PPME1: variants seen among roughly 807,000 people sequenced by gnomAD.
PPME1 encodes testicular secretory protein Li 39.
In PPME1, 17 loss-of-function variants were observed where a neutral mutation model predicts 56.9. The ratio of observed to expected loss-of-function variants is 0.30; its 90% CI spans 0.20 to 0.45. PPME1 has a LOEUF of 0.45. Among genes scored for constraint, PPME1 ranks in the 20% least tolerant of loss-of-function variants. The pLI is 1.00. For missense variants in PPME1, 357 were observed against 483.2 expected, an observed-to-expected ratio of 0.74 and a Z score of 2.45; for synonymous variants, 122 against 156.2, an observed-to-expected ratio of 0.78 and a Z score of 1.63.
chr11:74,252,251 G>GTTTT lies in PPME1; in HGVS notation c.1142+548_1142+551dup, dbSNP rs1249533305. On this transcript the variant is annotated intron_variant, in intron 13 of 13. Coordinates refer to ENST00000328257, the MANE Select transcript of PPME1 (RefSeq NM_016147.3). ...CCCGGCTAATTTTGTTTTTTTTTTTGTTTTTTTTTTTTTTTAGTAAAGATG... is the reference window on the plus strand; with the variant it reads ...CCCGGCTAATTTTGTTTTTTTTTTTGTTTTTTTTTTTTTTTTTTTAGTAAAGATG... 7.0e-3 allele frequency among the ~76,000 whole-genome samples: 825 copies of GTTTT among 118,454 alleles called. 6 individuals are homozygous for GTTTT. Among genetic ancestry groups the GTTTT allele is most frequent in the African/African-American group, 0.023 (748 of 32,186 alleles). The allele number at this position is 118,454 out of a possible 152,430, so 77.7% of individuals were successfully genotyped here.
chr11:74,250,915 T>C, intron 11 of PPME1, 39 bp from the exon 12 acceptor site: 1 of 1,530,036 alleles, frequency 6.5e-7, no homozygotes, highest in Non-Finnish European at 8.9e-7. Context: ...AGAGGGCTCT[T>C]TTAGTCGCTG....
At chr11:74,173,349 GA>G (rs893196458) in intron 1 of PPME1, among the ~76,000 whole-genome samples, 8 of 151,848 alleles carry the variant, frequency 5.3e-5, no homozygotes, top group Non-Finnish European at 1.2e-4. Context: ...AAATACATAA[GA>G]AAATCAGATT....
At chr11:74,206,054 T>A (rs1308318037) in intron 3 of PPME1, 2 of 152,232 alleles carry the variant, frequency 1.3e-5, no homozygotes, top group East Asian at 1.9e-4. Flanking sequence ...ACTGTAAATT[T>A]AAAAATTTTA....
chr11:74,171,626 A>T (rs1857232384), intron 1 of PPME1, 104 bp downstream of exon 1: 27 of 1,383,248 alleles, frequency 2.0e-5, no homozygotes, highest in Non-Finnish European at 2.6e-5. Flanking sequence ...TACTGATAGG[A>T]GAAAATGTTG....
At chr11:74,178,676 T>C (rs1857457139) in intron 1 of PPME1, among the ~76,000 whole-genome samples, 1 of 152,214 alleles carries the variant, frequency 6.6e-6, no homozygotes, top group African/African-American at 2.4e-5. Flanking sequence ...CTGCCCCTTA[T>C]TGCCAGATTT....
intron 9 of PPME1, among the ~76,000 whole-genome samples, chr11:74,245,491 G>A (rs1165159069): frequency 6.6e-6 from 1 of 151,998 alleles, no homozygotes; most frequent in Non-Finnish European, 1.5e-5. Context: ...TTTAATAAAT[G>A]TTGACATTTT....
intron 3 of PPME1, among the ~76,000 whole-genome samples, chr11:74,220,521 T>C (rs1433234267): frequency 6.6e-6 from 1 of 152,184 alleles, no homozygotes; most frequent in Non-Finnish European, 1.5e-5. Context: ...AGCTTGGATT[T>C]GAAAATTGGC....
intron 3 of PPME1, among the ~76,000 whole-genome samples, chr11:74,211,650 G>A (rs570480278): frequency 2.0e-5 from 3 of 152,060 alleles, no homozygotes; most frequent in African/African-American, 4.8e-5. Context: ...ACAAAATACC[G>A]TAAAGTTAAA....
chr11:74,222,401 GA>G, intron 4 of PPME1, 32 bp downstream of exon 4: 1 of 1,543,294 alleles, frequency 6.5e-7, no homozygotes. Flanking sequence ...CCATTAACTG[GA>G]TTATAGTCAT....
rs140036477 is a variant in PPME1, at chr11:74,206,083, G to A, written c.288+1638G>A. 6.6e-5 allele frequency among the ~76,000 whole-genome samples: 10 copies of A among 152,078 alleles called. No homozygotes were observed. In the East Asian group the frequency reaches 1.4e-3, roughly 21 times the overall value. On this transcript the variant is annotated intron_variant, in intron 3 of 13. Transcript: ENST00000328257. ...AATTTTATACTTACAGCACATCTCC[G>A]TTTGGGCTAGCCACATTTCAAATCG... is the stretch of plus-strand genomic sequence containing the variant.
At chr11:74,247,297 C>A (rs1202927626) in intron 11 of PPME1, among the ~76,000 whole-genome samples, 174 bp downstream of exon 11, 2 of 151,914 alleles carry the variant, frequency 1.3e-5, no homozygotes, top group Non-Finnish European at 2.9e-5. Flanking sequence ...CAAGTATTTC[C>A]CTTTCCTGAG....
intron 5 of PPME1, among the ~76,000 whole-genome samples, chr11:74,226,566 T>G (rs1858937101): frequency 6.6e-6 from 1 of 152,210 alleles, no homozygotes; most frequent in Admixed American, 6.5e-5. Flanking sequence ...TAGGAAGATT[T>G]GTGAATGATT....
chr11:74,191,833 A>G (rs1018104082), intron 1 of PPME1, among the ~76,000 whole-genome samples: 2 of 152,354 alleles, frequency 1.3e-5, no homozygotes, highest in South Asian at 2.1e-4. Context: ...ATTTCAGGGC[A>G]TATATGAGAA....
chr11:74,214,247 A>C (rs1858559280), intron 3 of PPME1, among the ~76,000 whole-genome samples: 1 of 152,206 alleles, frequency 6.6e-6, no homozygotes, highest in Non-Finnish European at 1.5e-5. Context: ...AGAAGTAAGA[A>C]TTAGCTTGAA....
intron 3 of PPME1, among the ~76,000 whole-genome samples, chr11:74,209,281 T>C (rs1858409982): frequency 6.6e-6 from 1 of 152,066 alleles, no homozygotes. Flanking sequence ...ATTTTTATTT[T>C]TTATAGAGAG....
At chr11:74,171,544 T>C in intron 1 of PPME1, 22 bp downstream of exon 1, 1 of 1,598,422 alleles carries the variant, frequency 6.3e-7, no homozygotes, top group South Asian at 1.1e-5. Context: ...ATACCCCTTC[T>C]CCCTATGGGC....
chr11:74,178,757 A>G lies in PPME1; in HGVS notation c.101+7235A>G, dbSNP rs979295815. Among the ~76,000 whole-genome samples, 8 of 152,156 alleles carry G rather than the reference A, an allele frequency of 5.3e-5. No homozygotes were observed. In the East Asian group the frequency reaches 1.5e-3, roughly 29 times the overall value. ...TTTCCATTGTTGCTTATTGCCAGCA[A>G]ATCTATTTCTTCTTAGTATCTCCAA... On this transcript the variant is annotated intron_variant, in intron 1 of 13. Coordinates refer to ENST00000328257, the MANE Select transcript of PPME1 (RefSeq NM_016147.3).
intron 3 of PPME1, among the ~76,000 whole-genome samples, chr11:74,206,082 C>T (rs1031318422): frequency 6.6e-6 from 1 of 152,040 alleles, no homozygotes; most frequent in African/African-American, 2.4e-5. Flanking sequence ...AGCACATCTC[C>T]GTTTGGGCTA....
intron 4 of PPME1, among the ~76,000 whole-genome samples, chr11:74,224,075 A>G (rs1367759137): frequency 3.3e-5 from 5 of 150,994 alleles, no homozygotes; most frequent in Non-Finnish European, 5.9e-5. Flanking sequence ...TTATGGTTTT[A>G]GGTCTAACAT....
Sources: gnomAD v4.1 joint callset for allele counts (sites outside exome capture counted in the v4.1 genomes callset) on GRCh38, gnomAD v4.1.1 for gene constraint, MANE v1.5 for transcripts, NCBI Gene and HGNC (gene_info 2026-07-23, HGNC 2026-07-21) for gene names.